Variants in NLGN1 observed in about 807,000 individuals in gnomAD.
The protein encoded by NLGN1 is neuroligin-1.
A neutral mutation model predicts 65.5 loss-of-function variants in NLGN1; 12 were observed. The ratio of observed to expected loss-of-function variants is 0.18; its 90% CI spans 0.12 to 0.30. NLGN1 has a LOEUF of 0.30. NLGN1 is among the 10% of genes least tolerant of loss of function. NLGN1 has a pLI of 1.00. For synonymous variants in NLGN1, 350 were observed against 359.5 expected, an observed-to-expected ratio of 0.97 and a Z score of 0.30; for missense variants, 750 against 1,007.1, an observed-to-expected ratio of 0.74 and a Z score of 3.46.
intron 2 of NLGN1, among the ~76,000 whole-genome samples, chr3:173,526,526 G>A (rs1364960174): frequency 6.6e-6 from 1 of 151,854 alleles, no homozygotes; most frequent in Non-Finnish European, 1.5e-5. Context: ...TTTTGATATA[G>A]GCATCCAATG....
At chr3:173,868,775 A>C (rs1170118116) in intron 4 of NLGN1, among the ~76,000 whole-genome samples, 1 of 152,158 alleles carries the variant, frequency 6.6e-6, no homozygotes, top group African/African-American at 2.4e-5. Context: ...ATAGGATGCA[A>C]CATCTGTAAT....
intron 4 of NLGN1, among the ~76,000 whole-genome samples, chr3:174,061,613 C>T (rs577415480): frequency 6.6e-6 from 1 of 152,058 alleles, no homozygotes; most frequent in South Asian, 2.1e-4. Flanking sequence ...CTTTAATGTC[C>T]TGGAGGTACA....
intron 4 of NLGN1, among the ~76,000 whole-genome samples, chr3:174,184,803 C>T (rs1372577677): frequency 1.3e-5 from 2 of 152,042 alleles, no homozygotes; most frequent in Non-Finnish European, 2.9e-5. Context: ...GATAAAATTG[C>T]TGTATAGGAT....
At chr3:173,784,063 G>A (rs983569542) in intron 3 of NLGN1, among the ~76,000 whole-genome samples, 1 of 152,190 alleles carries the variant, frequency 6.6e-6, no homozygotes, top group Admixed American at 6.5e-5. Flanking sequence ...AATATGCACT[G>A]ATAGGAGTCA....
intron 4 of NLGN1, among the ~76,000 whole-genome samples, chr3:173,999,099 A>G (rs1579669337): frequency 6.6e-6 from 1 of 152,220 alleles, no homozygotes; most frequent in Non-Finnish European, 1.5e-5. Flanking sequence ...AGGAGTTAGT[A>G]TCTCTAGAAG....
chr3:174,027,454 C>A (rs977085138), intron 4 of NLGN1, among the ~76,000 whole-genome samples: 2 of 152,162 alleles, frequency 1.3e-5, no homozygotes, highest in African/African-American at 2.4e-5. Flanking sequence ...AAAGACTATA[C>A]ATAAATACAC....
chr3:173,827,063 T>C (rs556676768), intron 4 of NLGN1, among the ~76,000 whole-genome samples: 1 of 152,220 alleles, frequency 6.6e-6, no homozygotes, highest in Non-Finnish European at 1.5e-5. Context: ...TGCTCTAAAA[T>C]GGGACCACTA....
At chr3:174,184,909 G>C (rs1325325712) in intron 4 of NLGN1, among the ~76,000 whole-genome samples, 1 of 152,164 alleles carries the variant, frequency 6.6e-6, no homozygotes. Flanking sequence ...GTGAAGTCCA[G>C]AGTGGACAGA....
chr3:173,794,893 A>G (rs992410456), intron 3 of NLGN1, among the ~76,000 whole-genome samples: 11 of 152,166 alleles, frequency 7.2e-5, no homozygotes, highest in Non-Finnish European at 1.5e-4. Flanking sequence ...AATAAATACA[A>G]ATGAGCTCTT....
chr3:173,601,199 T>C lies in NLGN1; in HGVS notation c.-320-3080T>C, dbSNP rs1304141284. Among the ~76,000 whole-genome samples the C allele has an allele frequency of 2.6e-5, 4 of 151,960 alleles. No homozygotes were observed. In the East Asian group the frequency reaches 7.7e-4, roughly 29 times the overall value. On this transcript the variant is annotated intron_variant, in intron 2 of 6. Coordinates refer to ENST00000457714, the Ensembl canonical transcript of NLGN1. ...ATCTGATTTGGTCTACTGAGTAAGA[T>C]TTTCTGGCCTTCTTATTTTAATACA... is the stretch of plus-strand genomic sequence containing the variant.
At chr3:174,053,872 G>C (rs1907579) in intron 4 of NLGN1, among the ~76,000 whole-genome samples, 9,783 of 151,720 alleles carry the variant, frequency 0.064, 591 homozygotes, top group African/African-American at 0.15. Context: ...TGCTTATATT[G>C]AATATATTCC....
chr3:173,898,442 T>C (rs1736718929), intron 4 of NLGN1, among the ~76,000 whole-genome samples: 1 of 152,178 alleles, frequency 6.6e-6, no homozygotes, highest in African/African-American at 2.4e-5. Context: ...CTGTGGTTGC[T>C]AGAAATAGAC....
At position 174,097,044 on chromosome 3, in the gene NLGN1, A is replaced by C. The variant is rs1482072759; in HGVS notation, c.647-178271A>C. Among the ~76,000 whole-genome samples, 4 of 152,110 alleles carry C rather than the reference A, an allele frequency of 2.6e-5. No homozygotes were observed. The East Asian group carries it at 5.8e-4, about 22-fold the overall frequency. On this transcript the variant is annotated intron_variant, in intron 4 of 6. Transcript: ENST00000457714. ...CTTTTGCCACAACTGAATATTTAAA[A>C]GGCTTCCATTTATTCACCTTGGGAA...
chr3:173,680,759 G>A (rs1763838387), intron 3 of NLGN1, among the ~76,000 whole-genome samples: 1 of 152,060 alleles, frequency 6.6e-6, no homozygotes, highest in African/African-American at 2.4e-5. Flanking sequence ...GACCATGGAT[G>A]GAAACTGAAG....
At chr3:173,880,839 A>G (rs1733086898) in intron 4 of NLGN1, among the ~76,000 whole-genome samples, 1 of 152,220 alleles carries the variant, frequency 6.6e-6, no homozygotes, top group African/African-American at 2.4e-5. Flanking sequence ...GTGATGTTTG[A>G]TAGCATTTTA....
intron 3 of NLGN1, among the ~76,000 whole-genome samples, chr3:173,803,262 T>C (rs1371122281): frequency 6.6e-6 from 1 of 152,226 alleles, no homozygotes; most frequent in African/African-American, 2.4e-5. Flanking sequence ...AGAAGTATTT[T>C]AAAAATTTAA....
chr3:173,842,492 G>A (rs1724979283), intron 4 of NLGN1, among the ~76,000 whole-genome samples: 1 of 152,174 alleles, frequency 6.6e-6, no homozygotes, highest in African/African-American at 2.4e-5. Context: ...AACCAAGTTA[G>A]TTACTTCCTA....
At chr3:174,266,932 AG>A (rs1422779487) in intron 4 of NLGN1, among the ~76,000 whole-genome samples, 10 of 152,178 alleles carry the variant, frequency 6.6e-5, no homozygotes, top group African/African-American at 2.2e-4. Context: ...GTGACAATAA[AG>A]AAAACGTCAA....
At chr3:173,800,031 G>T (rs546014870) in intron 3 of NLGN1, among the ~76,000 whole-genome samples, 225 of 139,244 alleles carry the variant, frequency 1.6e-3, no homozygotes, top group African/African-American at 5.4e-3. Flanking sequence ...AAAAGTCTTT[G>T]CTCATGACTT....
Sources: allele counts gnomAD v4.1 joint callset (sites outside exome capture counted in the v4.1 genomes callset), GRCh38; gene constraint gnomAD v4.1.1; transcripts MANE v1.5; gene names NCBI Gene and HGNC (gene_info 2026-07-23, HGNC 2026-07-21).